B3GALT2: variants seen among roughly 807,000 people sequenced by gnomAD.
B3GALT2 encodes the protein UDP-Gal:betaGlcNAc beta 1,3-galactosyltransferase, polypeptide 2.
In B3GALT2, 13 loss-of-function variants were observed where a neutral mutation model predicts 33.5. That is an observed-to-expected ratio of 0.39 (90% confidence interval 0.25 to 0.62). B3GALT2 has a LOEUF of 0.62. Among genes scored for constraint, B3GALT2 ranks in the 20% least tolerant of loss-of-function variants. The pLI is 0.53. For synonymous variants in B3GALT2, 195 were observed against 172.7 expected (o/e 1.13, Z -1.01); for missense variants, 418 against 509.1 (o/e 0.82, Z 1.72).
rs1443597572 is a variant in B3GALT2 at position 193,180,195 on chromosome 1, A to G, written c.*99T>C. Reference sequence around the variant, plus strand: ...ACTTCTTGAATTTCTTTATGTGATGAGTTTTAACTAAAACTTGTCCTACGG... The same window carrying G: ...ACTTCTTGAATTTCTTTATGTGATGGGTTTTAACTAAAACTTGTCCTACGG... On this transcript the variant is annotated 3_prime_UTR_variant, in exon 2 of 2. Coordinates refer to ENST00000367434, the MANE Select transcript of B3GALT2 (RefSeq NM_003783.3). 3 of 1,009,100 alleles carry G rather than the reference A, an allele frequency of 3.0e-6. No homozygotes were observed. The highest frequency in any genetic ancestry group is 4.1e-6 in the Non-Finnish European group (3 of 727,558). The allele number at this position is 1,009,100 out of a possible 1,614,324, so 62.5% of individuals were successfully genotyped here.
rs747443534 is a variant in B3GALT2 at position 193,186,287 on chromosome 1, G to C, written c.-389C>G. On this transcript the variant is annotated 5_prime_UTR_variant, in exon 1 of 2. Coordinates refer to ENST00000367434, the MANE Select transcript of B3GALT2 (RefSeq NM_003783.3). Reference sequence around the variant, plus strand: ...TTAAACAAAAGAGCTGTAGTTGCCCGTTCTGCTTGTAGCACTGTTGACTCT... The same window carrying C: ...TTAAACAAAAGAGCTGTAGTTGCCCCTTCTGCTTGTAGCACTGTTGACTCT... The C allele has an allele frequency of 6.6e-6, 1 of 152,132 alleles. No individual in the cohort carries two copies. The highest frequency in any genetic ancestry group is 1.5e-5 in the Non-Finnish European group (1 of 68,024). 9.4% of individuals were successfully genotyped at this position (152,132 alleles called of 1,614,324 possible).
chr1:193,184,479 A>C (rs1466598415), intron 1 of B3GALT2, among the ~76,000 whole-genome samples: 1 of 151,826 alleles, frequency 6.6e-6, no homozygotes, highest in Admixed American at 6.6e-5. Flanking sequence ...TTCTTTTTTG[A>C]TATCTTCACA....
Position 193,180,171 on chromosome 1 carries a change from C to T in B3GALT2, c.*123G>A. 1 of 813,688 alleles carries T rather than the reference C, an allele frequency of 1.2e-6. No homozygotes were observed. Among genetic ancestry groups the T allele is most frequent in the Non-Finnish European group, 1.7e-6 (1 of 571,992 alleles). The allele number at this position is 813,688 out of a possible 1,614,324, so 50.4% of individuals were successfully genotyped here. ...AACTTCTTCAGAAATTAAAAAAATACTTCTTGAATTTCTTTATGTGATGAG... is the reference window on the plus strand; with the variant it reads ...AACTTCTTCAGAAATTAAAAAAATATTTCTTGAATTTCTTTATGTGATGAG... On this transcript the variant is annotated 3_prime_UTR_variant, in exon 2 of 2. Transcript: ENST00000367434.
At position 193,179,774 on chromosome 1, in the gene B3GALT2, T is replaced by G. The variant is rs1012090432; in HGVS notation, c.*520A>C. On this transcript the variant is annotated 3_prime_UTR_variant, in exon 2 of 2. Transcript: ENST00000367434. The stretch of plus-strand genomic sequence containing the variant: ...GCATTGATGAAACATCTGAACTTTA[T>G]AATGTGTTTGTGGAATAACTCAACT... The G allele has an allele frequency of 6.6e-6, 1 of 152,596 alleles. No homozygotes were observed. The highest frequency in any genetic ancestry group is 2.4e-5 in the African/African-American group (1 of 41,464). The allele number at this position is 152,596 out of a possible 1,614,324, so 9.5% of individuals were successfully genotyped here.
In B3GALT2 at chr1:193,180,491, G is replaced by A. The variant is rs1213591905; in HGVS notation, c.1072C>T (p.Pro358Ser). 2 of 1,613,832 alleles carry A rather than the reference G, an allele frequency of 1.2e-6. No homozygotes were observed. The highest frequency in any genetic ancestry group is 2.2e-5 in the East Asian group (1 of 44,886). Residue 358 changes from proline (P) to serine (S), a missense_variant, in exon 2 of 2, where the codon CCT becomes TCT. By Grantham distance (74) the Pro-to-Ser change is moderately conservative (BLOSUM62 -1). Transcript: ENST00000367434. Reference sequence around the variant, plus strand: ...TGATTGAACACAAACTCATTGGGAGGGGGTACAGGATCAATTCTCAACTTG... The same window carrying A: ...TGATTGAACACAAACTCATTGGGAGAGGGTACAGGATCAATTCTCAACTTG... Reference protein sequence around the residue: ...LAKLRIDPVPPPNEFVFNHWR... With the variant: ...LAKLRIDPVPSPNEFVFNHWR...
Position 193,181,675 on chromosome 1 carries a change from T to C in B3GALT2, c.-113A>G. On this transcript the variant is annotated 5_prime_UTR_variant, in exon 2 of 2. Coordinates refer to ENST00000367434, the MANE Select transcript of B3GALT2 (RefSeq NM_003783.3). ...TAATTCAGTCACATTGTCTCTCTTG[T>C]AGTCATTCTATAAAAATGAAGCACA... 9.8e-7 allele frequency: 1 copy of C among 1,024,362 alleles called. No homozygotes were observed. Among genetic ancestry groups the C allele is most frequent in the South Asian group, 1.9e-5 (1 of 53,934 alleles). The allele number at this position is 1,024,362 out of a possible 1,614,324, so 63.5% of individuals were successfully genotyped here.
chr1:193,183,748 CT>C (rs1676759047), intron 1 of B3GALT2, among the ~76,000 whole-genome samples: 1 of 151,618 alleles, frequency 6.6e-6, no homozygotes, highest in South Asian at 2.1e-4. Flanking sequence ...ACAAAAGTTG[CT>C]TTTAAAATTT....
At chr1:193,182,110 C>CT in intron 1 of B3GALT2, among the ~76,000 whole-genome samples, 1 of 152,136 alleles carries the variant, frequency 6.6e-6, no homozygotes, top group African/African-American at 2.4e-5. Flanking sequence ...AGTCAGAGGC[C>CT]TTTTTTGTAA....
At chr1:193,183,252 A>G (rs959649334) in intron 1 of B3GALT2, among the ~76,000 whole-genome samples, 1 of 151,690 alleles carries the variant, frequency 6.6e-6, no homozygotes, top group East Asian at 1.9e-4. Flanking sequence ...GGGAATTTGA[A>G]CAAATATCTA....
chr1:193,180,429 G>C lies in B3GALT2; in HGVS notation c.1134C>G (p.His378Gln). ...RVSYSSCKYS[H>Q]LITSHQFQPS... Reference sequence around the variant, plus strand: ...GCTGGAACTGATGAGAGGTAATTAGGTGGCTGTATTTACAGCTCGAATAAG... The same window carrying C: ...GCTGGAACTGATGAGAGGTAATTAGCTGGCTGTATTTACAGCTCGAATAAG... The change falls in exon 2 of 2, where the codon CAC becomes CAG. Residue 378 changes from histidine (H) to glutamine (Q), a missense_variant. Around this residue, in one of 3 missense-constraint regions of B3GALT2, gnomAD observed 226 missense variants for 293.9 expected, o/e 0.77. Coordinates refer to ENST00000367434, the MANE Select transcript of B3GALT2 (RefSeq NM_003783.3). 1 of 1,614,048 alleles carries C rather than the reference G, an allele frequency of 6.2e-7. No individual in the cohort carries two copies. Among genetic ancestry groups the C allele is most frequent in the Non-Finnish European group, 8.5e-7 (1 of 1,179,940 alleles).
rs1676690705 is a variant in B3GALT2 at position 193,180,298 on chromosome 1, T to C, written c.1265A>G (p.His422Arg). ...KAGRYRHRKLH is the reference protein window; with the variant it reads ...KAGRYRHRKLR ...TTTGAAAAAAAATTGTCTTTTCTAA[T>C]GTAGTTTACGGTGGCGATACCTGCC... Residue 422 changes from histidine to arginine, a missense_variant, in exon 2 of 2, where the codon CAT becomes CGT. Transcript: ENST00000367434. 1.3e-6 allele frequency: 2 copies of C among 1,556,116 alleles called. No individual in the cohort carries two copies. The highest frequency in any genetic ancestry group is 2.1e-5 in the Admixed American group (1 of 48,392).
In B3GALT2 at chr1:193,179,198, CA is replaced by C. The variant is rs1335889167; in HGVS notation, c.*1095del. On this transcript the variant is annotated 3_prime_UTR_variant, in exon 2 of 2. Transcript: ENST00000367434. ...GTGATTCAGAATATTTGTCATCTAC[CA>C]AATTAAAAACTGCAGGTTTGCAAAC... The C allele has an allele frequency of 6.6e-6, 1 of 152,064 alleles. No individual in the cohort carries two copies. The highest frequency in any genetic ancestry group is 1.5e-5 in the Non-Finnish European group (1 of 68,002). The allele number at this position is 152,064 out of a possible 1,614,324, so 9.4% of individuals were successfully genotyped here.
rs897057905 is a variant in B3GALT2, at chr1:193,186,487, C to T, written c.-589G>A. On this transcript the variant is annotated 5_prime_UTR_variant, in exon 1 of 2. Transcript: ENST00000367434. ...TTGTATTGGAAAAGAATAGGATTTACCTCTCTTCTTTCGTTGTTGCCTGGC... is the reference window on the plus strand; with the variant it reads ...TTGTATTGGAAAAGAATAGGATTTATCTCTCTTCTTTCGTTGTTGCCTGGC... The T allele has an allele frequency of 1.3e-5, 2 of 152,528 alleles. No individual in the cohort carries two copies. The highest frequency in any genetic ancestry group is 4.8e-5 in the African/African-American group (2 of 41,400). 9.4% of individuals were successfully genotyped at this position (152,528 alleles called of 1,614,324 possible). A position where few individuals can be genotyped will look rare whatever the true frequency, so the allele number is the denominator to read the frequency against.
At position 193,180,171 on chromosome 1, in the gene B3GALT2, CT is replaced by C; in HGVS notation, c.*122del. The C allele has an allele frequency of 1.2e-6, 1 of 813,688 alleles. No individual in the cohort carries two copies. The highest frequency in any genetic ancestry group is 3.4e-5 in the South Asian group (1 of 29,030). 50.4% of individuals were successfully genotyped at this position (813,688 alleles called of 1,614,324 possible). ...AACTTCTTCAGAAATTAAAAAAATACTTCTTGAATTTCTTTATGTGATGAGT... is the reference window on the plus strand; with the variant it reads ...AACTTCTTCAGAAATTAAAAAAATACTCTTGAATTTCTTTATGTGATGAGT... On this transcript the variant is annotated 3_prime_UTR_variant, in exon 2 of 2. Transcript: ENST00000367434.
chr1:193,183,374 A>G (rs534892385), intron 1 of B3GALT2, among the ~76,000 whole-genome samples: 1 of 150,030 alleles, frequency 6.7e-6, no homozygotes, highest in Admixed American at 6.7e-5. Context: ...ATTTTGAAAG[A>G]TGTGAACAAT....
At chr1:193,183,148 A>G (rs1009476442) in intron 1 of B3GALT2, among the ~76,000 whole-genome samples, 3 of 151,870 alleles carry the variant, frequency 2.0e-5, no homozygotes, top group Non-Finnish European at 2.9e-5. Flanking sequence ...CACATACATA[A>G]CGTTAAGTAC....
rs1210668199 is a variant in B3GALT2 at position 193,181,003 on chromosome 1, C to T, written c.560G>A (p.Arg187Lys). The T allele has an allele frequency of 3.7e-6, 6 of 1,613,480 alleles. No individual in the cohort carries two copies. The African/African-American group carries it at 8.0e-5, about 22-fold the overall frequency. ...AATACTTAAGCCCAACAAAAATATTCTTGTGATTTGAATACCAGGTGCTAG... is the reference window on the plus strand; with the variant it reads ...AATACTTAAGCCCAACAAAAATATTTTTGTGATTTGAATACCAGGTGCTAG... ...ESLAPGIQIT[R>K]IFLLGLSIKL... The change falls in exon 2 of 2, where the codon AGA (arginine) becomes AAA (lysine). Residue 187 changes from arginine to lysine, a missense_variant. Physicochemically the swap from Arg to Lys is conservative, Grantham distance 26. Transcript: ENST00000367434.
At position 193,180,471 on chromosome 1, in the gene B3GALT2, G is replaced by A. The variant is rs1219060128; in HGVS notation, c.1092C>T (p.Phe364=). The change falls in exon 2 of 2, where the codon TTC becomes TTT. Residue 364 remains phenylalanine, a synonymous_variant. Coordinates refer to ENST00000367434, the MANE Select transcript of B3GALT2 (RefSeq NM_003783.3). The part of the protein sequence containing the change: ...DPVPPPNEFV[F]NHWRVSYSSC... ...TCGAATAAGAGACTCGCCAGTGATT[G>A]AACACAAACTCATTGGGAGGGGGTA... The A allele has an allele frequency of 2.5e-6, 4 of 1,613,996 alleles. No homozygotes were observed. Among genetic ancestry groups the A allele is most frequent in the Non-Finnish European group, 3.4e-6 (4 of 1,179,912 alleles).
At chr1:193,184,491 T>C (rs1315570317) in intron 1 of B3GALT2, among the ~76,000 whole-genome samples, 1 of 151,840 alleles carries the variant, frequency 6.6e-6, no homozygotes, top group Non-Finnish European at 1.5e-5. Context: ...ATCTTCACAT[T>C]ATTAATGTGT....
Sources: gnomAD v4.1 joint callset for allele counts (sites outside exome capture counted in the v4.1 genomes callset) on GRCh38, gnomAD v4.1.1 for gene constraint, gnomAD v4.1.1 regional missense constraint, MANE v1.5 for transcripts, NCBI Gene and HGNC (gene_info 2026-07-23, HGNC 2026-07-21) for gene names.